CSMD1: variants seen among roughly 807,000 people sequenced by gnomAD.
CSMD1 encodes CUB and Sushi multiple domains 1, also known as CUB and sushi domain-containing protein 1.
A neutral mutation model predicts 417.5 loss-of-function variants in CSMD1; 213 were observed. That is an observed-to-expected ratio of 0.51 (90% CI 0.46 to 0.57). The LOEUF (loss-of-function observed/expected upper bound fraction) is 0.57. Ranked by LOEUF, CSMD1 falls within the 20% of genes least tolerant of loss-of-function variation. CSMD1 has a pLI of 0.00. For synonymous variants in CSMD1, 2,862 were observed against 1,736.8 expected (o/e 1.65, Z -16.11); for missense variants, 6,923 against 4,529.7 (o/e 1.53, Z -15.17).
chr8:4,406,554 C>G (rs1036620466), intron 3 of CSMD1, among the ~76,000 whole-genome samples: 2 of 152,212 alleles, frequency 1.3e-5, no homozygotes, highest in South Asian at 4.1e-4. Flanking sequence ...GCACAGAGTC[C>G]TGCCTTCTGT....
intron 6 of CSMD1, among the ~76,000 whole-genome samples, chr8:3,715,268 A>C (rs1335656165): frequency 6.6e-6 from 1 of 152,144 alleles, no homozygotes; most frequent in Non-Finnish European, 1.5e-5. Flanking sequence ...TCTGCTAATT[A>C]TTGTTAACGT....
At chr8:4,706,873 C>A (rs1286920622) in intron 1 of CSMD1, among the ~76,000 whole-genome samples, 2 of 152,144 alleles carry the variant, frequency 1.3e-5, no homozygotes, top group African/African-American at 4.8e-5. Flanking sequence ...GTAGCAAGGG[C>A]AGTTCAGTGA....
intron 3 of CSMD1, among the ~76,000 whole-genome samples, chr8:4,259,483 T>C (rs189695006): frequency 6.6e-6 from 1 of 152,318 alleles, no homozygotes; most frequent in Non-Finnish European, 1.5e-5. Context: ...AATTAAATTT[T>C]CATACATAAA....
intron 5 of CSMD1, among the ~76,000 whole-genome samples, chr8:3,906,822 A>G (rs1050833730): frequency 6.6e-6 from 1 of 152,238 alleles, no homozygotes; most frequent in East Asian, 1.9e-4. Flanking sequence ...ATACATAGGC[A>G]TATATCAAGA....
intron 7 of CSMD1, among the ~76,000 whole-genome samples, chr8:3,693,707 A>G (rs1341497040): frequency 6.6e-6 from 1 of 152,154 alleles, no homozygotes; most frequent in African/African-American, 2.4e-5. Context: ...CGGGAATTAG[A>G]AAATGTATGT....
intron 1 of CSMD1, among the ~76,000 whole-genome samples, chr8:4,801,317 G>A (rs1185229577): frequency 6.6e-6 from 1 of 152,108 alleles, no homozygotes. Flanking sequence ...CAAGGAGGGT[G>A]GAAGTGGAAG....
intron 5 of CSMD1, among the ~76,000 whole-genome samples, chr8:3,907,315 C>T (rs1808179385): frequency 6.6e-6 from 1 of 152,120 alleles, no homozygotes; most frequent in Non-Finnish European, 1.5e-5. Context: ...GTGGATGGTA[C>T]ATATTTGCTG....
chr8:3,814,542 G>A (rs1286494557), intron 5 of CSMD1, among the ~76,000 whole-genome samples: 1 of 152,192 alleles, frequency 6.6e-6, no homozygotes, highest in Non-Finnish European at 1.5e-5. Flanking sequence ...GGAGACGCCT[G>A]TGGTTGTGAT....
chr8:3,181,322 C>T, intron 36 of CSMD1, 108 bp from the exon 37 acceptor site: 1 of 715,114 alleles, frequency 1.4e-6, no homozygotes, highest in Non-Finnish European at 2.4e-6. Flanking sequence ...TACAGTTTGT[C>T]TGATTACCAG....
At chr8:4,099,198 A>G (rs1052761308) in intron 3 of CSMD1, among the ~76,000 whole-genome samples, 1 of 142,020 alleles carries the variant, frequency 7.0e-6, no homozygotes, top group East Asian at 1.9e-4. Flanking sequence ...ACACACTCAC[A>G]CACACACGCA....
rs114459798 is a variant in CSMD1, at chr8:4,828,574, T to A, written c.85+165758A>T. 4.1e-3 allele frequency among the ~76,000 whole-genome samples: 620 copies of A among 152,256 alleles called. 4 individuals are homozygous for A. Among genetic ancestry groups the A allele is most frequent in the African/African-American group, 0.014 (591 of 41,564 alleles). Reference sequence around the variant, plus strand: ...CTGTGCTCTTTCACAAACTCCAGACTGTTGTGCCTACCACCTTTTCATCAA... The same window carrying A: ...CTGTGCTCTTTCACAAACTCCAGACAGTTGTGCCTACCACCTTTTCATCAA... On this transcript the variant is annotated intron_variant, in intron 1 of 69. Coordinates refer to ENST00000635120, the MANE Select transcript of CSMD1 (RefSeq NM_033225.6).
In CSMD1 at chr8:4,462,027, A is replaced by C. The variant is rs1471101025; in HGVS notation, c.303-41962T>G. Among the ~76,000 whole-genome samples, 2 of 151,804 alleles carry C rather than the reference A, an allele frequency of 1.3e-5. 1 individual carries two copies. The highest frequency in any genetic ancestry group is 4.8e-5 in the African/African-American group (2 of 41,326). ...AATTGCTGGGATTACAGGCTGAGCC[A>C]CCACGTCTGGCTGCTAATCTTATTT... is the stretch of plus-strand genomic sequence containing the variant. On this transcript the variant is annotated intron_variant, in intron 2 of 69. Coordinates refer to ENST00000635120, the MANE Select transcript of CSMD1 (RefSeq NM_033225.6).
At chr8:4,481,471 G>C (rs1585145695) in intron 2 of CSMD1, among the ~76,000 whole-genome samples, 1 of 152,294 alleles carries the variant, frequency 6.6e-6, no homozygotes, top group African/African-American at 2.4e-5. Context: ...GATGTGTTCA[G>C]CATGGGAAGG....
At chr8:3,787,793 T>C (rs1312035171) in intron 5 of CSMD1, among the ~76,000 whole-genome samples, 1 of 152,230 alleles carries the variant, frequency 6.6e-6, no homozygotes, top group Admixed American at 6.5e-5. Context: ...CTGGCACTTT[T>C]TAGTACTTTA....
intron 10 of CSMD1, among the ~76,000 whole-genome samples, chr8:3,533,657 C>A (rs1798071834): frequency 6.6e-6 from 1 of 152,136 alleles, no homozygotes; most frequent in African/African-American, 2.4e-5. Context: ...TCTGGGAGGC[C>A]CATGAGCTTC....
chr8:4,856,386 T>C (rs1370846284), intron 1 of CSMD1, among the ~76,000 whole-genome samples: 2 of 143,822 alleles, frequency 1.4e-5, no homozygotes, highest in Non-Finnish European at 3.0e-5. Flanking sequence ...GCTAACATCA[T>C]AATGACAGGA....
intron 3 of CSMD1, among the ~76,000 whole-genome samples, chr8:4,134,987 G>T (rs984741069): frequency 2.0e-5 from 3 of 152,008 alleles, no homozygotes; most frequent in South Asian, 4.2e-4. Flanking sequence ...TTAGTGTCTG[G>T]GTTCTCTTCT....
intron 50 of CSMD1, 127 bp downstream of exon 50, chr8:3,052,335 A>G (rs1811871713): frequency 1.5e-6 from 1 of 647,836 alleles, no homozygotes. Context: ...TATTGCTATG[A>G]TGAAAGACAC....
At chr8:3,848,087 C>CTT (rs142912512) in intron 5 of CSMD1, among the ~76,000 whole-genome samples, 14 of 149,422 alleles carry the variant, frequency 9.4e-5, no homozygotes, top group Non-Finnish European at 1.6e-4. Context: ...CTCTCTCTCT[C>CTT]TCTAAATATA....
Sources: gnomAD v4.1 joint callset for allele counts (sites outside exome capture counted in the v4.1 genomes callset) on GRCh38, gnomAD v4.1.1 for gene constraint, MANE v1.5 for transcripts, NCBI Gene and HGNC (gene_info 2026-07-23, HGNC 2026-07-21) for gene names.